DCC: variants seen among roughly 807,000 people sequenced by gnomAD.
DCC encodes the protein DCC netrin 1 receptor.
A neutral mutation model predicts 172.5 loss-of-function variants in DCC; 58 were observed. That is an observed-to-expected ratio of 0.34 (90% CI 0.27 to 0.42). The LOEUF (loss-of-function observed/expected upper bound fraction) is 0.42. DCC is among the 10% of genes least tolerant of loss of function. The probability of loss-of-function intolerance (pLI) is 1.00; values close to 1 mark genes in which losing one functional copy is unlikely to be tolerated. For synonymous variants in DCC, 709 were observed against 644.5 expected, an observed-to-expected ratio of 1.10 and a Z score of -1.52; for missense variants, 1,740 against 1,791.0, an observed-to-expected ratio of 0.97 and a Z score of 0.51.
chr18:52,767,050 G>T (rs1049353780), intron 2 of DCC, among the ~76,000 whole-genome samples: 1 of 151,664 alleles, frequency 6.6e-6, no homozygotes, highest in Non-Finnish European at 1.5e-5. Flanking sequence ...TGTCTTTGCT[G>T]CTCTATGAGT....
chr18:53,436,821 G>GT (rs1911972033), intron 22 of DCC, among the ~76,000 whole-genome samples: 1 of 152,134 alleles, frequency 6.6e-6, no homozygotes, highest in Non-Finnish European at 1.5e-5. Flanking sequence ...ATTGCTCACA[G>GT]TTTTGGATGC....
At chr18:53,435,499 C>A (rs1164859287) in intron 22 of DCC, among the ~76,000 whole-genome samples, 4 of 152,082 alleles carry the variant, frequency 2.6e-5, no homozygotes, top group Non-Finnish European at 1.5e-5. Context: ...TGACACAAAG[C>A]TGTTAAATAC....
At chr18:53,212,535 A>G (rs1179258127) in intron 11 of DCC, among the ~76,000 whole-genome samples, 1 of 152,244 alleles carries the variant, frequency 6.6e-6, no homozygotes, top group South Asian at 2.1e-4. Context: ...TGACATGACA[A>G]CAATAGCCAG....
At chr18:52,819,499 A>C (rs1389793214) in intron 2 of DCC, among the ~76,000 whole-genome samples, 1 of 152,196 alleles carries the variant, frequency 6.6e-6, no homozygotes, top group African/African-American at 2.4e-5. Flanking sequence ...TGCAAAGAAC[A>C]TAATGATTCA....
intron 1 of DCC, among the ~76,000 whole-genome samples, chr18:52,674,893 A>T (rs183903864): frequency 6.7e-6 from 1 of 149,358 alleles, no homozygotes; most frequent in African/African-American, 2.5e-5. Flanking sequence ...CCTCTCTGGC[A>T]TTAACATCAA....
intron 1 of DCC, among the ~76,000 whole-genome samples, chr18:52,527,619 A>T (rs559804374): frequency 2.6e-5 from 4 of 152,318 alleles, no homozygotes; most frequent in African/African-American, 7.2e-5. Context: ...ATTAGTATGT[A>T]TATGTTGGAA....
rs375843794 is a variant in DCC, at chr18:53,289,100, G to C, written c.1912-16478G>C. On this transcript the variant is annotated intron_variant, in intron 12 of 28. Transcript: ENST00000442544. ...GTCAACCTGCTGATCAGCCTTTACA[G>C]ACATTAATTAGTTCACATATTTATA... 8.4e-4 allele frequency among the ~76,000 whole-genome samples: 128 copies of C among 152,170 alleles called. 1 individual carries two copies. Among genetic ancestry groups the C allele is most frequent in the African/African-American group, 2.7e-3 (114 of 41,540 alleles).
chr18:53,429,820 G>A (rs1376834183), intron 21 of DCC, among the ~76,000 whole-genome samples: 2 of 152,094 alleles, frequency 1.3e-5, no homozygotes, highest in African/African-American at 4.8e-5. Flanking sequence ...TTCAATCAGT[G>A]AACTTTCTTT....
At chr18:52,760,170 G>A (rs2037136451) in intron 2 of DCC, among the ~76,000 whole-genome samples, 1 of 152,174 alleles carries the variant, frequency 6.6e-6, no homozygotes, top group Non-Finnish European at 1.5e-5. Context: ...TTGTAATCAT[G>A]GTGGAAAGGG....
At chr18:52,873,169 C>T (rs917013832) in intron 2 of DCC, among the ~76,000 whole-genome samples, 2 of 152,152 alleles carry the variant, frequency 1.3e-5, no homozygotes, top group Non-Finnish European at 2.9e-5. Flanking sequence ...CCCCGATAAA[C>T]TGTAAGACAA....
intron 15 of DCC, among the ~76,000 whole-genome samples, chr18:53,354,709 G>A (rs1037041900): frequency 2.0e-5 from 3 of 151,422 alleles, no homozygotes; most frequent in African/African-American, 7.3e-5. Flanking sequence ...TCTGTAGGTT[G>A]CCTGTTCACT....
intron 23 of DCC, among the ~76,000 whole-genome samples, chr18:53,453,996 A>G (rs1286606732): frequency 2.6e-5 from 4 of 152,224 alleles, no homozygotes; most frequent in African/African-American, 7.2e-5. Context: ...TACTTTGAAG[A>G]GACCCCTTCC....
intron 3 of DCC, among the ~76,000 whole-genome samples, chr18:52,909,713 C>T (rs973085642): frequency 6.6e-6 from 1 of 152,064 alleles, no homozygotes; most frequent in African/African-American, 2.4e-5. Flanking sequence ...TACGTAAATA[C>T]TTTATTCAAT....
At chr18:52,499,989 C>T (rs575757208) in intron 1 of DCC, among the ~76,000 whole-genome samples, 22 of 152,178 alleles carry the variant, frequency 1.4e-4, no homozygotes, top group East Asian at 1.2e-3. Context: ...GAAATCAGCA[C>T]GGATTAACAC....
chr18:53,278,795 A>G (rs1034477283), intron 12 of DCC, among the ~76,000 whole-genome samples: 2 of 152,164 alleles, frequency 1.3e-5, no homozygotes, highest in Non-Finnish European at 2.9e-5. Context: ...TCACAACACC[A>G]CAAAGTTGGT....
At chr18:52,575,602 GT>G in intron 1 of DCC, among the ~76,000 whole-genome samples, 1 of 152,032 alleles carries the variant, frequency 6.6e-6, no homozygotes, top group Non-Finnish European at 1.5e-5. Context: ...TTTCTTAGTT[GT>G]TTTTTTCCTA....
chr18:52,643,033 A>G (rs1364430711), intron 1 of DCC, among the ~76,000 whole-genome samples: 1 of 152,216 alleles, frequency 6.6e-6, no homozygotes, highest in African/African-American at 2.4e-5. Flanking sequence ...GAAATTGAAA[A>G]TGGCCACCTA....
intron 12 of DCC, among the ~76,000 whole-genome samples, chr18:53,237,697 ATAAG>A (rs914628688): frequency 1.6e-4 from 25 of 152,344 alleles, no homozygotes; most frequent in African/African-American, 6.0e-4. Flanking sequence ...TACATTATTT[ATAAG>A]TGAGTTCTTG....
At chr18:52,481,145 C>T (rs1301718078) in intron 1 of DCC, among the ~76,000 whole-genome samples, 1 of 152,138 alleles carries the variant, frequency 6.6e-6, no homozygotes, top group East Asian at 1.9e-4. Context: ...AAATATTTTA[C>T]TTCATTTTCA....
Sources: allele counts gnomAD v4.1 joint callset (sites outside exome capture counted in the v4.1 genomes callset), GRCh38; gene constraint gnomAD v4.1.1; transcripts MANE v1.5; gene names NCBI Gene and HGNC (gene_info 2026-07-23, HGNC 2026-07-21).